FLT3: variants seen among roughly 807,000 people sequenced by gnomAD.
The protein encoded by FLT3 is fms related receptor tyrosine kinase 3.
FLT3 carries 46 observed loss-of-function variants against 126.6 expected under a neutral mutation model. The ratio of observed to expected loss-of-function variants is 0.36; its 90% CI spans 0.29 to 0.46. FLT3 has a LOEUF of 0.46. FLT3 is among the 20% of genes least tolerant of loss of function. The pLI, the probability that FLT3 is intolerant of heterozygous loss-of-function variation, is 1.00. For synonymous variants in FLT3, 404 were observed against 434.4 expected (o/e 0.93, Z 0.87); for missense variants, 1,069 against 1,190.3 (o/e 0.90, Z 1.50).
chr13:28,035,909 A>T lies in FLT3; in HGVS notation c.1418+26T>A, dbSNP rs751823253. On this transcript the variant is annotated intron_variant, in intron 11 of 23. Coordinates refer to ENST00000241453, the MANE Select transcript of FLT3 (RefSeq NM_004119.3). ...TCAGAGAGTTTTATGTTCTTCCATT[A>T]TAAGAGGCATCAATGTCCTTATTAC... 5.9e-6 allele frequency: 9 copies of T among 1,522,144 alleles called. No individual in the cohort carries two copies. The African/African-American group carries it at 1.2e-4, about 21-fold the overall frequency. 94.3% of individuals were successfully genotyped at this position (1,522,144 alleles called of 1,614,324 possible). A position where few individuals can be genotyped will look rare whatever the true frequency, so the allele number is the denominator to read the frequency against.
intron 5 of FLT3, 79 bp downstream of exon 5, chr13:28,052,466 A>G: frequency 2.2e-6 from 3 of 1,383,740 alleles, no homozygotes; most frequent in South Asian, 2.7e-5. Context: ...TAAATTTTAC[A>G]TACAGCTTGA....
At chr13:28,072,054 T>G (rs577642222) in intron 1 of FLT3, among the ~76,000 whole-genome samples, 9 of 151,958 alleles carry the variant, frequency 5.9e-5, no homozygotes, top group Non-Finnish European at 1.0e-4. Flanking sequence ...TCTTTGTTTC[T>G]TTGGGGGTAT....
chr13:28,015,029 C>A, intron 22 of FLT3, 128 bp downstream of exon 22: 3 of 627,324 alleles, frequency 4.8e-6, no homozygotes, highest in Non-Finnish European at 2.8e-6. Flanking sequence ...GACCTCACTT[C>A]TATTTTTTAA....
intron 1 of FLT3, among the ~76,000 whole-genome samples, chr13:28,089,611 A>G (rs1048464495): frequency 1.4e-4 from 22 of 152,208 alleles, no homozygotes; most frequent in Admixed American, 1.0e-3. Flanking sequence ...AACACACTCA[A>G]AGGCTACGTA....
At chr13:28,025,290 C>T in intron 17 of FLT3, 1 of 401,924 alleles carries the variant, frequency 2.5e-6, no homozygotes, top group Non-Finnish European at 4.7e-6. Context: ...TCACATCGAT[C>T]TCATTCTTTG....
chr13:28,027,743 G>C (rs1872937770), intron 16 of FLT3, among the ~76,000 whole-genome samples: 1 of 152,162 alleles, frequency 6.6e-6, no homozygotes, highest in Admixed American at 6.5e-5. Context: ...AAGATCAGAG[G>C]GCATGCCCCA....
intron 23 of FLT3, among the ~76,000 whole-genome samples, chr13:28,012,466 C>T (rs918507881): frequency 6.6e-6 from 1 of 152,134 alleles, no homozygotes; most frequent in Non-Finnish European, 1.5e-5. Context: ...TAGGCACAGC[C>T]ATCTACTTGC....
chr13:28,036,019 G>C lies in FLT3; in HGVS notation c.1334C>G (p.Ala445Gly). 1 of 1,614,106 alleles carries C rather than the reference G, an allele frequency of 6.2e-7. No individual in the cohort carries two copies. Among genetic ancestry groups the C allele is most frequent in the Non-Finnish European group, 8.5e-7 (1 of 1,179,994 alleles). ...GAAACAGGACGCCTGACTTGCCGAT[G>C]CTTCTGCGAGCACTTGAGGTTTCCC... ...IRRKPQVLAE[A>G]SASQASCFSD... is the part of the protein sequence containing the mutation. Residue 445 changes from alanine (A) to glycine (G), a missense_variant, in exon 11 of 24, where the codon GCA (alanine) becomes GGA (glycine). By Grantham distance (60) the Ala-to-Gly change is moderately conservative. Transcript: ENST00000241453.
intron 3 of FLT3, among the ~76,000 whole-genome samples, chr13:28,057,956 T>C (rs1053716486): frequency 1.3e-5 from 2 of 151,588 alleles, no homozygotes; most frequent in Non-Finnish European, 2.9e-5. Flanking sequence ...GGAGAATTGC[T>C]TGAACCCAGG....
chr13:28,011,437 C>T lies in FLT3; in HGVS notation c.2859+3015G>A, dbSNP rs534535850. On this transcript the variant is annotated intron_variant, in intron 23 of 23. Transcript: ENST00000241453. ...TGGGGAAGGTGACAAGGCCAGTTTT[C>T]CAACCAAGGGACTAGATAGGATTCT... is the stretch of plus-strand genomic sequence containing the variant. 4.6e-4 allele frequency among the ~76,000 whole-genome samples: 70 copies of T among 151,994 alleles called. 3 individuals carry two copies. The South Asian group carries it at 0.015, about 32-fold the overall frequency.
intron 5 of FLT3, among the ~76,000 whole-genome samples, chr13:28,051,452 G>C (rs1875453961): frequency 6.6e-6 from 1 of 150,948 alleles, no homozygotes; most frequent in African/African-American, 2.4e-5. Flanking sequence ...GGTCAGGCTG[G>C]TCTCGAACCC....
chr13:28,037,676 T>C (rs1225217257), intron 9 of FLT3, among the ~76,000 whole-genome samples: 1 of 152,322 alleles, frequency 6.6e-6, no homozygotes, highest in East Asian at 1.9e-4. Context: ...TTCTCAGAAC[T>C]TGTGCAGGTG....
At chr13:28,089,322 T>A (rs1878879438) in intron 1 of FLT3, among the ~76,000 whole-genome samples, 1 of 152,198 alleles carries the variant, frequency 6.6e-6, no homozygotes, top group South Asian at 2.1e-4. Context: ...AACATTCACT[T>A]AGCATCCAGT....
intron 1 of FLT3, among the ~76,000 whole-genome samples, chr13:28,079,995 T>C (rs1878213260): frequency 6.6e-6 from 1 of 152,120 alleles, no homozygotes; most frequent in Non-Finnish European, 1.5e-5. Flanking sequence ...AAATGAGAAC[T>C]CACTCATTCC....
chr13:28,019,363 G>C (rs996919651), intron 19 of FLT3, among the ~76,000 whole-genome samples: 2 of 152,176 alleles, frequency 1.3e-5, no homozygotes, highest in African/African-American at 4.8e-5. Context: ...TGAGTTTGGA[G>C]AGGTTTACTG....
intron 2 of FLT3, among the ~76,000 whole-genome samples, chr13:28,063,606 TG>T (rs1876759226): frequency 6.6e-6 from 1 of 152,190 alleles, no homozygotes; most frequent in African/African-American, 2.4e-5. Context: ...TGCACACACA[TG>T]AGCACACACA....
intron 23 of FLT3, 143 bp from the exon 24 acceptor site, chr13:28,004,317 A>G (rs1391573305): frequency 1.1e-6 from 1 of 936,492 alleles, no homozygotes; most frequent in Non-Finnish European, 1.6e-6. Context: ...TTGTTTGTTT[A>G]TTTTTTGAGA....
intron 3 of FLT3, among the ~76,000 whole-genome samples, chr13:28,059,303 C>T (rs1197447313): frequency 2.0e-5 from 3 of 152,148 alleles, no homozygotes; most frequent in Non-Finnish European, 2.9e-5. Context: ...CGCGTGCCTT[C>T]TCTACACCTA....
At chr13:28,014,419 G>A (rs2137608712) in intron 23 of FLT3, 33 bp downstream of exon 23, 11 of 1,443,720 alleles carry the variant, frequency 7.6e-6, no homozygotes, top group Non-Finnish European at 1.1e-5. Flanking sequence ...AATTTCCTTT[G>A]TAAAGCTTTA....
Sources: allele counts gnomAD v4.1 joint callset (sites outside exome capture counted in the v4.1 genomes callset), GRCh38; gene constraint gnomAD v4.1.1; transcripts MANE v1.5; gene names NCBI Gene and HGNC (gene_info 2026-07-23, HGNC 2026-07-21).